Variants in SLC13A1 observed in about 807,000 individuals in gnomAD.
SLC13A1 encodes solute carrier family 13 member 1.
Under a neutral mutation model 70.0 loss-of-function variants are expected in SLC13A1, and 65 were observed. That is an observed-to-expected ratio of 0.93 (90% confidence interval 0.76 to 1.14). The LOEUF is 1.14. Among genes scored for constraint, SLC13A1 ranks in the 50% most tolerant of loss-of-function variants. The probability of loss-of-function intolerance (pLI) is 0.00; values close to 1 mark genes in which losing one functional copy is unlikely to be tolerated. For synonymous variants in SLC13A1, 275 were observed against 250.5 expected, an observed-to-expected ratio of 1.10 and a Z score of -0.92; for missense variants, 726 against 717.8, an observed-to-expected ratio of 1.01 and a Z score of -0.13.
intron 6 of SLC13A1, among the ~76,000 whole-genome samples, chr7:123,158,863 T>C (rs945501543): frequency 2.0e-5 from 3 of 152,038 alleles, no homozygotes; most frequent in African/African-American, 2.4e-5. Context: ...TCAAGAATTA[T>C]AGAAATCTAT....
At chr7:123,162,397 A>G (rs550918740) in intron 6 of SLC13A1, among the ~76,000 whole-genome samples, 46 of 152,244 alleles carry the variant, frequency 3.0e-4, no homozygotes, top group African/African-American at 1.1e-3. Flanking sequence ...GGTCACGTTC[A>G]CAGATTGTTG....
In SLC13A1 at chr7:123,169,289, G is replaced by C. The variant is rs1430788715; in HGVS notation, c.412C>G (p.Leu138Val). Residue 138 changes from leucine to valine, a missense_variant, in exon 4 of 15, where the codon CTC becomes GTC. Coordinates refer to ENST00000194130, the MANE Select transcript of SLC13A1 (RefSeq NM_022444.4). ...MSSTAFLSMW[L>V]SNTSTAAMVM... ...ATGGCAGCCGTCGAGGTGTTGCTGA[G>C]CCACATAGACAAAAAGGCAGTGCTG... is the stretch of plus-strand genomic sequence containing the variant. The C allele has an allele frequency of 3.1e-6, 5 of 1,613,758 alleles. No individual in the cohort carries two copies. The highest frequency in any genetic ancestry group is 8.5e-7 in the Non-Finnish European group (1 of 1,179,994).
intron 7 of SLC13A1, among the ~76,000 whole-genome samples, chr7:123,144,929 G>A (rs1345026648): frequency 6.6e-6 from 1 of 152,154 alleles, no homozygotes; most frequent in African/African-American, 2.4e-5. Context: ...AAGTGTCATA[G>A]TATGCTACTA....
chr7:123,143,670 A>G (rs1794238762), intron 7 of SLC13A1, among the ~76,000 whole-genome samples: 1 of 152,100 alleles, frequency 6.6e-6, no homozygotes, highest in African/African-American at 2.4e-5. Context: ...CAATGATATG[A>G]AATTAAAAGG....
intron 2 of SLC13A1, among the ~76,000 whole-genome samples, chr7:123,176,933 C>G (rs1795465175): frequency 6.6e-6 from 1 of 152,106 alleles, no homozygotes; most frequent in Non-Finnish European, 1.5e-5. Flanking sequence ...TGAGTGATCT[C>G]ATCAAGTCTT....
At position 123,194,152 on chromosome 7, in the gene SLC13A1, C is replaced by T. The variant is rs191392950; in HGVS notation, c.99+5696G>A. 1.8e-4 allele frequency among the ~76,000 whole-genome samples: 27 copies of T among 152,116 alleles called. No individual in the cohort carries two copies. The East Asian group carries it at 2.5e-3, about 14-fold the overall frequency. ...AGGGAGACACAAAGATAAAGCAAAACGGAAGACATACTGTAATAGAGGCCA... is the reference window on the plus strand; with the variant it reads ...AGGGAGACACAAAGATAAAGCAAAATGGAAGACATACTGTAATAGAGGCCA... On this transcript the variant is annotated intron_variant, in intron 1 of 14. Coordinates refer to ENST00000194130, the MANE Select transcript of SLC13A1 (RefSeq NM_022444.4).
intron 7 of SLC13A1, among the ~76,000 whole-genome samples, chr7:123,142,529 C>T (rs889466528): frequency 6.6e-6 from 1 of 152,070 alleles, no homozygotes; most frequent in African/African-American, 2.4e-5. Context: ...ACAGCCACCA[C>T]AGCTAAGAAT....
Position 123,130,206 on chromosome 7 carries a change from AT to A in SLC13A1, c.933-726del, listed in dbSNP as rs1297625426. Among the ~76,000 whole-genome samples, 4 of 152,268 alleles carry A rather than the reference AT, an allele frequency of 2.6e-5. No individual in the cohort carries two copies. The East Asian group carries it at 7.7e-4, about 29-fold the overall frequency. On this transcript the variant is annotated intron_variant, in intron 8 of 14. Transcript: ENST00000194130. The stretch of plus-strand genomic sequence containing the variant: ...AAATACCATTTGACCCAGCAATCCC[AT>A]TACTTGGTATATACCCAAAGGAATA...
chr7:123,123,438 T>C (rs1585289204), intron 11 of SLC13A1, among the ~76,000 whole-genome samples: 1 of 152,220 alleles, frequency 6.6e-6, no homozygotes, highest in Non-Finnish European at 1.5e-5. Context: ...ACTCCATAAC[T>C]TAAAAAAATC....
intron 6 of SLC13A1, among the ~76,000 whole-genome samples, chr7:123,151,834 A>G (rs903996138): frequency 6.6e-6 from 1 of 152,012 alleles, no homozygotes; most frequent in Non-Finnish European, 1.5e-5. Context: ...AAATTCTGTC[A>G]ATTGTATCTA....
intron 1 of SLC13A1, chr7:123,186,771 G>A (rs780383313): frequency 2.9e-5 from 13 of 454,710 alleles, no homozygotes; most frequent in African/African-American, 4.0e-5. Context: ...ACAAGTAAAC[G>A]TTTTAATCAC....
At chr7:123,181,418 G>A (rs752106664) in intron 1 of SLC13A1, among the ~76,000 whole-genome samples, 2 of 151,854 alleles carry the variant, frequency 1.3e-5, no homozygotes, top group Admixed American at 1.3e-4. Context: ...ACTTTCCTTT[G>A]GCCTATAAAA....
At chr7:123,151,330 A>G (rs1201332432) in intron 6 of SLC13A1, among the ~76,000 whole-genome samples, 1 of 150,926 alleles carries the variant, frequency 6.6e-6, no homozygotes, top group Non-Finnish European at 1.5e-5. Context: ...GACCCGTCTC[A>G]AAACAAAACA....
At chr7:123,142,660 G>GGGTCTTACTCTATTGCCC (rs1554546351) in intron 7 of SLC13A1, among the ~76,000 whole-genome samples, 5 of 132,666 alleles carry the variant, frequency 3.8e-5, no homozygotes, top group Admixed American at 1.5e-4. Context: ...TTTTTTGATG[G>GGGTCTTACTCTATTGCCC]AGGCTGGAGT....
intron 10 of SLC13A1, among the ~76,000 whole-genome samples, chr7:123,126,049 A>T (rs1160223824): frequency 6.6e-6 from 1 of 152,220 alleles, no homozygotes; most frequent in Non-Finnish European, 1.5e-5. Flanking sequence ...AAGTTGAAAC[A>T]TTGCTAGAGC....
At chr7:123,134,861 T>C (rs1270161181) in intron 7 of SLC13A1, among the ~76,000 whole-genome samples, 2 of 152,176 alleles carry the variant, frequency 1.3e-5, no homozygotes, top group Non-Finnish European at 2.9e-5. Flanking sequence ...TGGGTGTTCA[T>C]GAGGTATTTG....
chr7:123,140,322 T>C lies in SLC13A1; in HGVS notation c.813-5793A>G, dbSNP rs552072685. Among the ~76,000 whole-genome samples the C allele has an allele frequency of 2.0e-5, 3 of 152,210 alleles. No individual in the cohort carries two copies. In the East Asian group the frequency reaches 5.8e-4, roughly 29 times the overall value. ...TGAATGATCTTTTTCATGTATTTGT[T>C]GAATTCAGTTTGTTAGTATTTTGTT... On this transcript the variant is annotated intron_variant, in intron 7 of 14. Coordinates refer to ENST00000194130, the MANE Select transcript of SLC13A1 (RefSeq NM_022444.4).
intron 6 of SLC13A1, among the ~76,000 whole-genome samples, chr7:123,167,951 TATTACCCGGGTAAGGAA>T (rs1427584004): frequency 6.6e-6 from 1 of 152,062 alleles, no homozygotes; most frequent in African/African-American, 2.4e-5. Flanking sequence ...GTACTATGCT[TATTACCCGGGTAAGGAA>T]ATAATCTATA....
At chr7:123,193,764 G>A (rs1168052689) in intron 1 of SLC13A1, among the ~76,000 whole-genome samples, 4 of 152,022 alleles carry the variant, frequency 2.6e-5, no homozygotes, top group Admixed American at 6.6e-5. Context: ...TCTAATTGTC[G>A]CTATGAGGCT....
Sources: gnomAD v4.1 joint callset for allele counts (sites outside exome capture counted in the v4.1 genomes callset) on GRCh38, gnomAD v4.1.1 for gene constraint, MANE v1.5 for transcripts, NCBI Gene and HGNC (gene_info 2026-07-23, HGNC 2026-07-21) for gene names.